PON3: variants seen among roughly 807,000 people sequenced by gnomAD.
PON3 encodes the protein paraoxonase 3, also known as serum paraoxonase/lactonase 3.
PON3 carries 37 observed loss-of-function variants against 36.3 expected under a neutral mutation model. The observed-to-expected ratio is 1.02, with a 90% CI of 0.78 to 1.34. The LOEUF is 1.34. Ranked by LOEUF, PON3 falls within the 40% of genes most tolerant of loss-of-function variation. The pLI is 0.00. For missense variants in PON3, 415 were observed against 426.5 expected, an observed-to-expected ratio of 0.97 and a Z score of 0.24; for synonymous variants, 155 against 154.8, an observed-to-expected ratio of 1.00 and a Z score of -0.01.
At position 95,362,424 on chromosome 7, in the gene PON3, C is replaced by T. The variant is rs753076690; in HGVS notation, c.844G>A (p.Gly282Arg). ...VDPATGDILA[G>R]CHPNPMKLLN... ...AGCTTCATAGGATTAGGATGGCATC[C>T]TGCCAAAATGTCTCCTGTGGCAGGA... The change falls in exon 8 of 9, where the codon GGA (glycine) becomes AGA (arginine). Residue 282 changes from glycine (G) to arginine (R), a missense_variant. Coordinates refer to ENST00000265627, the MANE Select transcript of PON3 (RefSeq NM_000940.3). The T allele has an allele frequency of 1.2e-6, 2 of 1,613,768 alleles. No homozygotes were observed. Among genetic ancestry groups the T allele is most frequent in the Non-Finnish European group, 1.7e-6 (2 of 1,179,762 alleles).
intron 3 of PON3, among the ~76,000 whole-genome samples, chr7:95,374,391 G>A (rs1808871495): frequency 2.0e-5 from 3 of 151,236 alleles, no homozygotes; most frequent in African/African-American, 7.3e-5. Flanking sequence ...TGCTTTCTTG[G>A]TTCCCTGTTC....
Position 95,362,833 on chromosome 7 carries a change from T to C in PON3, c.704A>G (p.Tyr235Cys), listed in dbSNP as rs1318548057. 2.5e-6 allele frequency: 4 copies of C among 1,605,424 alleles called. No homozygotes were observed. The highest frequency in any genetic ancestry group is 1.7e-5 in the Admixed American group (1 of 59,888). ...GTTCTTAGCTGCTACATCAGCTACATAGACATACCTTTGAAGTAAATGACA... is the reference window on the plus strand; with the variant it reads ...GTTCTTAGCTGCTACATCAGCTACACAGACATACCTTTGAAGTAAATGACA... ...ITVSADQKYV[Y>C]VADVAAKNIH... The change falls in exon 7 of 9, where the codon TAT becomes TGT. Residue 235 changes from tyrosine (Y) to cysteine (C), a missense_variant. Coordinates refer to ENST00000265627, the MANE Select transcript of PON3 (RefSeq NM_000940.3).
chr7:95,377,996 A>G (rs1808958748), intron 3 of PON3, among the ~76,000 whole-genome samples: 1 of 152,312 alleles, frequency 6.6e-6, no homozygotes, highest in Non-Finnish European at 1.5e-5. Flanking sequence ...ATCACAAGGA[A>G]GCTAAAAACC....
At chr7:95,396,143 T>C (rs1809427258) in intron 1 of PON3, 134 bp downstream of exon 1, 1 of 962,714 alleles carries the variant, frequency 1.0e-6, no homozygotes, top group Non-Finnish European at 1.7e-6. Flanking sequence ...GGCGGTTTGC[T>C]GGGTGAGATG....
chr7:95,378,693 C>T (rs185294576), intron 3 of PON3, among the ~76,000 whole-genome samples: 1 of 152,138 alleles, frequency 6.6e-6, no homozygotes, highest in Admixed American at 6.5e-5. Context: ...CCTTTACAGA[C>T]AACAAATGCT....
intron 8 of PON3, 41 bp downstream of exon 8, chr7:95,362,321 T>A (rs1281633754): frequency 1.2e-6 from 2 of 1,612,236 alleles, no homozygotes; most frequent in Non-Finnish European, 1.7e-6. Context: ...AATTTGTTCT[T>A]GCAGCTTTGC....
chr7:95,364,762 C>T (rs1405002129), intron 5 of PON3: 3 of 153,032 alleles, frequency 2.0e-5, no homozygotes, highest in Non-Finnish European at 4.4e-5. Context: ...CCCAGTTCAT[C>T]TGGACCTTTA....
At chr7:95,367,790 T>G (rs1345374058) in intron 4 of PON3, among the ~76,000 whole-genome samples, 1 of 152,218 alleles carries the variant, frequency 6.6e-6, no homozygotes, top group East Asian at 1.9e-4. Flanking sequence ...CCTACAGAAC[T>G]ATAATGATGC....
rs556802863 is a variant in PON3, at chr7:95,372,366, C to T, written c.202-28G>A. The T allele has an allele frequency of 8.7e-6, 14 of 1,606,238 alleles. 1 individual carries two copies. Among genetic ancestry groups the T allele is most frequent in the Middle Eastern group, 3.3e-4 (2 of 6,048 alleles). Reference sequence around the variant, plus strand: ...TTTAAAAATAAAGAACAAGTGTGCACACATATACATATCAAAACAATATTT... The same window carrying T: ...TTTAAAAATAAAGAACAAGTGTGCATACATATACATATCAAAACAATATTT... On this transcript the variant is annotated intron_variant, in intron 3 of 8. Coordinates refer to ENST00000265627, the MANE Select transcript of PON3 (RefSeq NM_000940.3).
chr7:95,394,674 G>C lies in PON3; in HGVS notation c.115C>G (p.Pro39Ala). ...NASREVEPVEPENCHLIEELE... is the reference protein window; with the variant it reads ...NASREVEPVEAENCHLIEELE... ...TCCTCAATAAGGTGGCAGTTTTCAG[G>C]TTCTACTGGCTCCACTTCTCGAGAG... Residue 39 changes from proline (P) to alanine (A), a missense_variant, in exon 2 of 9, where the codon CCT becomes GCT. Coordinates refer to ENST00000265627, the MANE Select transcript of PON3 (RefSeq NM_000940.3). The C allele has an allele frequency of 6.2e-7, 1 of 1,614,120 alleles. No individual in the cohort carries two copies. Among genetic ancestry groups the C allele is most frequent in the Non-Finnish European group, 8.5e-7 (1 of 1,180,004 alleles).
intron 3 of PON3, among the ~76,000 whole-genome samples, chr7:95,376,263 G>T (rs1259767574): frequency 1.3e-5 from 2 of 152,202 alleles, no homozygotes; most frequent in Non-Finnish European, 2.9e-5. Flanking sequence ...GTGTGAAGAA[G>T]GGAGTAATCT....
chr7:95,383,085 G>A (rs1384560762), intron 3 of PON3, among the ~76,000 whole-genome samples: 1 of 152,102 alleles, frequency 6.6e-6, no homozygotes, highest in Admixed American at 6.6e-5. Context: ...CATATAAACA[G>A]AACTGAAGAT....
chr7:95,364,192 T>C (rs904611412), intron 5 of PON3, 129 bp from the exon 6 acceptor site: 2 of 756,912 alleles, frequency 2.6e-6, no homozygotes, highest in East Asian at 2.6e-5. Context: ...TGAACTAGTA[T>C]GGATTAAGGA....
chr7:95,391,968 A>G (rs896093386), intron 2 of PON3, among the ~76,000 whole-genome samples: 1 of 152,230 alleles, frequency 6.6e-6, no homozygotes, highest in African/African-American at 2.4e-5. Context: ...CTTGGCTCAT[A>G]AGCTAAGCCC....
chr7:95,390,328 C>G (rs1035585888), intron 2 of PON3, 119 bp from the exon 3 acceptor site: 4 of 854,342 alleles, frequency 4.7e-6, no homozygotes, highest in East Asian at 4.9e-5. Context: ...ACTTGTTCAA[C>G]CATTTACTTG....
chr7:95,391,469 A>G (rs939136268), intron 2 of PON3, among the ~76,000 whole-genome samples: 2 of 152,242 alleles, frequency 1.3e-5, no homozygotes, highest in East Asian at 3.8e-4. Flanking sequence ...GGATAAAAAG[A>G]TGAACGTAAT....
At chr7:95,367,868 T>G (rs1173248860) in intron 4 of PON3, among the ~76,000 whole-genome samples, 1 of 152,184 alleles carries the variant, frequency 6.6e-6, no homozygotes, top group African/African-American at 2.4e-5. Flanking sequence ...AAACAAAACT[T>G]TGCTGAGATG....
intron 5 of PON3, chr7:95,365,749 T>C (rs1267333849): frequency 6.6e-6 from 1 of 152,200 alleles, no homozygotes; most frequent in Non-Finnish European, 1.5e-5. Flanking sequence ...CTGAAGGTTC[T>C]AGGGAAGGAT....
chr7:95,393,623 C>G (rs923521565), intron 2 of PON3, among the ~76,000 whole-genome samples: 4 of 152,056 alleles, frequency 2.6e-5, no homozygotes, highest in African/African-American at 9.7e-5. Flanking sequence ...GAGGGACAAG[C>G]GGGGAACAAT....
Sources: gnomAD v4.1 joint callset for allele counts (sites outside exome capture counted in the v4.1 genomes callset) on GRCh38, gnomAD v4.1.1 for gene constraint, MANE v1.5 for transcripts, NCBI Gene and HGNC (gene_info 2026-07-23, HGNC 2026-07-21) for gene names.